The following FNDC3B variants were observed in gnomAD, a reference collection of about 807,000 sequenced individuals.
FNDC3B encodes fibronectin type III domain containing 3B.
FNDC3B carries 12 observed loss-of-function variants against 151.5 expected under a neutral mutation model. The observed-to-expected ratio is 0.08, with a 90% confidence interval of 0.05 to 0.13. The LOEUF (loss-of-function observed/expected upper bound fraction) is 0.13, where lower values mean the gene tolerates loss of function less well. Among genes scored for constraint, FNDC3B ranks in the 10% least tolerant of loss-of-function variants. The pLI, the probability that FNDC3B is intolerant of heterozygous loss-of-function variation, is 1.00. For missense variants in FNDC3B, 1,214 were observed against 1,505.3 expected (o/e 0.81, Z 3.20); for synonymous variants, 528 against 549.0 (o/e 0.96, Z 0.54).
At chr3:172,114,124 C>T (rs1354382298) in intron 2 of FNDC3B, among the ~76,000 whole-genome samples, 2 of 152,180 alleles carry the variant, frequency 1.3e-5, no homozygotes, top group Non-Finnish European at 1.5e-5. Flanking sequence ...AGGCCACGTT[C>T]TTACACCTGG....
intron 3 of FNDC3B, among the ~76,000 whole-genome samples, chr3:172,154,040 G>A (rs1194512623): frequency 6.6e-6 from 1 of 152,102 alleles, no homozygotes; most frequent in Non-Finnish European, 1.5e-5. Context: ...TCAGCTTCCC[G>A]CTTGATGCTC....
intron 22 of FNDC3B, among the ~76,000 whole-genome samples, chr3:172,356,187 C>T (rs1017766470): frequency 6.6e-6 from 1 of 152,166 alleles, no homozygotes; most frequent in Admixed American, 6.5e-5. Flanking sequence ...ATGGGCTTTA[C>T]TAGGAGACAA....
intron 21 of FNDC3B, among the ~76,000 whole-genome samples, chr3:172,348,702 A>G (rs1733719885): frequency 6.6e-6 from 1 of 152,230 alleles, no homozygotes; most frequent in Non-Finnish European, 1.5e-5. Context: ...GCTGCATTAT[A>G]AAAGATACAT....
At chr3:172,381,182 G>A in intron 25 of FNDC3B, 89 bp downstream of exon 25, 1 of 1,455,414 alleles carries the variant, frequency 6.9e-7, no homozygotes, top group Non-Finnish European at 9.4e-7. Context: ...AGTGAACTAT[G>A]TTTTTCTTAA....
In FNDC3B at chr3:172,333,163, G is replaced by A. The variant is rs1283378657; in HGVS notation, c.1629G>A (p.Gln543=). The A allele has an allele frequency of 2.5e-6, 4 of 1,605,956 alleles. No individual in the cohort carries two copies. The highest frequency in any genetic ancestry group is 3.4e-6 in the Non-Finnish European group (4 of 1,172,670). Residue 543 remains glutamine, a synonymous_variant, in exon 14 of 26, where the codon CAG becomes CAA. Transcript: ENST00000415807. The part of the protein sequence containing the change: ...CTVKNLKRST[Q]YKFRLTASNT... ...TGAAAAATCTCAAAAGAAGCACACAGTATAAATTCAGGGTGAGTCAGTCAT... is the reference window on the plus strand; with the variant it reads ...TGAAAAATCTCAAAAGAAGCACACAATATAAATTCAGGGTGAGTCAGTCAT...
intron 1 of FNDC3B, among the ~76,000 whole-genome samples, chr3:172,046,661 A>G (rs1411941384): frequency 6.6e-6 from 1 of 152,010 alleles, no homozygotes; most frequent in African/African-American, 2.4e-5. Context: ...ATACCTCATC[A>G]GTTTCAAATA....
intron 6 of FNDC3B, among the ~76,000 whole-genome samples, chr3:172,259,930 C>T (rs989614028): frequency 1.3e-5 from 2 of 152,146 alleles, no homozygotes; most frequent in Non-Finnish European, 2.9e-5. Context: ...AGACAAAAAG[C>T]ATGCAAAAAT....
intron 1 of FNDC3B, among the ~76,000 whole-genome samples, chr3:172,093,679 G>T (rs1718960034): frequency 6.6e-6 from 1 of 152,122 alleles, no homozygotes; most frequent in African/African-American, 2.4e-5. Flanking sequence ...GATTACTGGT[G>T]TGAGTCACTG....
In FNDC3B at chr3:172,397,577, A is replaced by G. The variant is rs1428863690; in HGVS notation, c.*102A>G. 1.0e-5 allele frequency: 7 copies of G among 691,424 alleles called. No individual in the cohort carries two copies. Among genetic ancestry groups the G allele is most frequent in the South Asian group, 9.9e-5 (4 of 40,286 alleles). The allele number at this position is 691,424 out of a possible 1,614,324, so 42.8% of individuals were successfully genotyped here. A position where few individuals can be genotyped will look rare whatever the true frequency, so the allele number is the denominator to read the frequency against. On this transcript the variant is annotated 3_prime_UTR_variant, in exon 26 of 26. Coordinates refer to ENST00000415807, the MANE Select transcript of FNDC3B (RefSeq NM_022763.4). ...AGCCCTTTTGTTTTTTGATTTATAT[A>G]CTCTGTTTTACAGATTTAGCTAGAA...
chr3:172,117,959 G>A (rs898830916), intron 2 of FNDC3B, among the ~76,000 whole-genome samples: 1 of 152,216 alleles, frequency 6.6e-6, no homozygotes, highest in Admixed American at 6.5e-5. Flanking sequence ...TGCCCTGGAA[G>A]GCAGAAGGCA....
intron 1 of FNDC3B, among the ~76,000 whole-genome samples, chr3:172,073,535 C>G (rs1316320762): frequency 6.6e-6 from 1 of 152,110 alleles, no homozygotes; most frequent in African/African-American, 2.4e-5. Context: ...GAGGGGAAAC[C>G]AAATATCACT....
intron 3 of FNDC3B, among the ~76,000 whole-genome samples, chr3:172,172,263 A>T (rs1205106462): frequency 6.6e-6 from 1 of 152,188 alleles, no homozygotes; most frequent in Non-Finnish European, 1.5e-5. Flanking sequence ...TTTTTCGTCA[A>T]GTGTACCTGT....
In FNDC3B at chr3:172,193,643, G is replaced by A. The variant is rs1724676141; in HGVS notation, c.188-33228G>A. Among the ~76,000 whole-genome samples the A allele has an allele frequency of 2.0e-5, 3 of 151,660 alleles. 1 individual carries two copies. The highest frequency in any genetic ancestry group is 2.0e-4 in the Admixed American group (3 of 15,208). On this transcript the variant is annotated intron_variant, in intron 3 of 25. Coordinates refer to ENST00000415807, the MANE Select transcript of FNDC3B (RefSeq NM_022763.4). ...CTGCTGGACTTTGTCTAGGATTTGG[G>A]AAGCCTGGGTCTGTCTGGATTCACT...
chr3:172,302,111 A>G (rs1430307489), intron 9 of FNDC3B: 1 of 152,096 alleles, frequency 6.6e-6, no homozygotes, highest in South Asian at 2.1e-4. Context: ...GTTACTTTTC[A>G]TTTTGCTACT....
intron 1 of FNDC3B, among the ~76,000 whole-genome samples, chr3:172,110,575 C>T (rs1719906813): frequency 1.3e-5 from 2 of 151,760 alleles, no homozygotes; most frequent in Non-Finnish European, 2.9e-5. Flanking sequence ...AGAAGAGGTT[C>T]TATCCTTAGG....
chr3:172,203,653 GCA>G (rs761050670), intron 3 of FNDC3B, among the ~76,000 whole-genome samples: 22 of 152,080 alleles, frequency 1.4e-4, no homozygotes, highest in Non-Finnish European at 2.4e-4. Context: ...CTTCCAGATC[GCA>G]GTGGTAACAA....
rs1285043814 is a variant in FNDC3B at position 172,330,697 on chromosome 3, A to G, written c.1536A>G (p.Glu512=). The G allele has an allele frequency of 4.3e-6, 7 of 1,613,090 alleles. No homozygotes were observed. Among genetic ancestry groups the G allele is most frequent in the Non-Finnish European group, 5.9e-6 (7 of 1,179,376 alleles). ...AGGAAGTGATCACCTACACCTTGGA[A>G]ATTCAGGAGGATGAAAATGTGAGTT... ...SPEEVITYTL[E]IQEDENDNLF... Residue 512 remains glutamate, a synonymous_variant, in exon 13 of 26, where the codon GAA becomes GAG. Transcript: ENST00000415807.
At chr3:172,056,259 A>G (rs899762051) in intron 1 of FNDC3B, among the ~76,000 whole-genome samples, 2 of 152,068 alleles carry the variant, frequency 1.3e-5, no homozygotes, top group East Asian at 1.9e-4. Flanking sequence ...GTGTATTTGT[A>G]TATCTTCAGT....
At chr3:172,152,393 C>G (rs181698448) in intron 3 of FNDC3B, among the ~76,000 whole-genome samples, 5 of 152,290 alleles carry the variant, frequency 3.3e-5, no homozygotes, top group African/African-American at 1.2e-4. Context: ...GCAAAATTGT[C>G]AGAATCAGGA....
Sources: gnomAD v4.1 joint callset for allele counts (sites outside exome capture counted in the v4.1 genomes callset) on GRCh38, gnomAD v4.1.1 for gene constraint, MANE v1.5 for transcripts, NCBI Gene and HGNC (gene_info 2026-07-23, HGNC 2026-07-21) for gene names.